Variants in CSPG4 observed in about 807,000 individuals in gnomAD.
CSPG4 encodes chondroitin sulfate proteoglycan 4 (melanoma-associated).
In CSPG4, 74 loss-of-function variants were observed where a neutral mutation model predicts 139.3. The ratio of observed to expected loss-of-function variants is 0.53; its 90% CI spans 0.44 to 0.64. The LOEUF is 0.64. CSPG4 is among the 30% of genes least tolerant of loss of function. The pLI, the probability that CSPG4 is intolerant of heterozygous loss-of-function variation, is 0.00. For synonymous variants in CSPG4, 1,234 were observed against 1,394.2 expected (o/e 0.89, Z 2.56); for missense variants, 2,565 against 3,148.3 (o/e 0.81, Z 4.43).
Position 75,688,870 on chromosome 15 carries a change from TGGAAC to T in CSPG4, c.2190_2194del (p.Phe731ProfsTer15). On this transcript the variant is annotated frameshift_variant, in exon 3 of 10. Transcript: ENST00000308508. LOFTEE classifies it high-confidence loss of function. Reference sequence around the variant, plus strand: ...GCGGCCCTGCTCCACATCCCGCTGGTGGAACGCCTGTGTGGCCCACCACTCAGCAC... The same window carrying T: ...GCGGCCCTGCTCCACATCCCGCTGGTGCCTGTGTGGCCCACCACTCAGCAC... 2 of 1,612,382 alleles carry T rather than the reference TGGAAC, an allele frequency of 1.2e-6. No homozygotes were observed. The highest frequency in any genetic ancestry group is 1.7e-6 in the Non-Finnish European group (2 of 1,179,970).
intron 1 of CSPG4, among the ~76,000 whole-genome samples, chr15:75,708,661 C>T (rs375854912): frequency 1.3e-5 from 2 of 152,336 alleles, no homozygotes; most frequent in South Asian, 2.1e-4. Flanking sequence ...GAGAACACCA[C>T]GGCCTGTGTG....
chr15:75,681,564 T>G (rs966048332), intron 8 of CSPG4, among the ~76,000 whole-genome samples: 7 of 152,356 alleles, frequency 4.6e-5, no homozygotes, highest in African/African-American at 1.4e-4. Flanking sequence ...GCATCACATG[T>G]GCCGCCTGCC....
rs752355420 is a variant in CSPG4, at chr15:75,685,429, C to G, written c.4062G>C (p.Leu1354=). Residue 1354 remains leucine (L), a synonymous_variant, in exon 4 of 10, where the codon CTG becomes CTC. Coordinates refer to ENST00000308508, the MANE Select transcript of CSPG4 (RefSeq NM_001897.5). ...GCGCCTCTAGTGGGATGGCAGCGGGCAGCACCTCCAGCTCCACAAGGACGC... is the reference window on the plus strand; with the variant it reads ...GCGCCTCTAGTGGGATGGCAGCGGGGAGCACCTCCAGCTCCACAAGGACGC... The part of the protein sequence containing the change: ...LEGVLVELEV[L]PAAIPLEAQN... 2 of 1,612,264 alleles carry G rather than the reference C, an allele frequency of 1.2e-6. No individual in the cohort carries two copies. The highest frequency in any genetic ancestry group is 2.2e-5 in the South Asian group (2 of 90,990).
At position 75,677,742 on chromosome 15, in the gene CSPG4, C is replaced by G; in HGVS notation, c.5095G>C (p.Ala1699Pro). The G allele has an allele frequency of 3.1e-6, 5 of 1,608,468 alleles. No individual in the cohort carries two copies. Among genetic ancestry groups the G allele is most frequent in the Non-Finnish European group, 4.2e-6 (5 of 1,177,680 alleles). Residue 1699 changes from alanine (A) to proline (P), a missense_variant, in exon 9 of 10, where the codon GCC becomes CCC. This residue lies in a region of CSPG4 where 2,316 missense variants were observed against 2,818.2 expected (regional missense o/e 0.82). Coordinates refer to ENST00000308508, the MANE Select transcript of CSPG4 (RefSeq NM_001897.5). ...AGGTGGCTGGGGCGCTGGGGACAGG[C>G]AGCCTCAAAAGACACAGCCACAGCA... ...TLAVAVSFEA[A>P]CPQRPSHLWK...
chr15:75,682,774 G>T (rs371145581), intron 6 of CSPG4, 33 bp from the exon 7 acceptor site: 1 of 1,608,532 alleles, frequency 6.2e-7, no homozygotes. Flanking sequence ...CAGCTGGCCC[G>T]AGCCGGCTCC....
chr15:75,677,410 G>T, intron 9 of CSPG4, 26 bp from the exon 10 acceptor site: 1 of 1,408,980 alleles, frequency 7.1e-7, no homozygotes, highest in South Asian at 1.7e-5. Context: ...AGGCTATGAG[G>T]GTCCAGCCCA....
rs763138714 is a variant in CSPG4, at chr15:75,688,085, T to C, written c.2980A>G (p.Ser994Gly). ...TCCTCCCAGGCCATGTCACCACTGC[T>C]CTCGCCCTGGCGGGTAGCAACAAAT... is the stretch of plus-strand genomic sequence containing the variant. ...IPFVATRQGE[S>G]SGDMAWEEVR... The change falls in exon 3 of 10, where the codon AGC becomes GGC. Residue 994 changes from serine (S) to glycine (G), a missense_variant. This residue lies in a region of CSPG4 where 2,316 missense variants were observed against 2,818.2 expected (regional missense o/e 0.82). Coordinates refer to ENST00000308508, the MANE Select transcript of CSPG4 (RefSeq NM_001897.5). 9 of 1,612,664 alleles carry C rather than the reference T, an allele frequency of 5.6e-6. No homozygotes were observed. The highest frequency in any genetic ancestry group is 7.6e-6 in the Non-Finnish European group (9 of 1,179,874).
chr15:75,676,865 C>T lies in CSPG4; in HGVS notation c.5654G>A (p.Gly1885Asp). The change falls in exon 10 of 10, where the codon GGT becomes GAT. Residue 1885 changes from glycine (G) to aspartate (D), a missense_variant. Around this residue, in one of 5 missense-constraint regions of CSPG4, gnomAD observed 2,316 missense variants for 2,818.2 expected, o/e 0.82. Transcript: ENST00000308508. ...APHNGFLSLV[G>D]GGLGPVTRFT... ...GCGGGTCACGGGCCCCAGGCCACCA[C>T]CCACCAGGCTGAGGAAGCCGTTGTG... is the stretch of plus-strand genomic sequence containing the variant. The T allele has an allele frequency of 6.3e-7, 1 of 1,588,214 alleles. No homozygotes were observed. Among genetic ancestry groups the T allele is most frequent in the Non-Finnish European group, 8.6e-7 (1 of 1,167,206 alleles).
intron 1 of CSPG4, among the ~76,000 whole-genome samples, chr15:75,697,117 C>A (rs1043075942): frequency 6.6e-6 from 1 of 152,026 alleles, no homozygotes; most frequent in Non-Finnish European, 1.5e-5. Context: ...GGCACAGATG[C>A]CTCTTCCAGG....
intron 1 of CSPG4, among the ~76,000 whole-genome samples, chr15:75,704,884 G>A (rs1894349457): frequency 6.6e-6 from 1 of 152,204 alleles, no homozygotes; most frequent in South Asian, 2.1e-4. Context: ...TGGTGACTCT[G>A]GCAGGTGAGC....
intron 1 of CSPG4, among the ~76,000 whole-genome samples, chr15:75,699,171 T>C (rs1894269413): frequency 6.6e-6 from 1 of 152,226 alleles, no homozygotes; most frequent in Non-Finnish European, 1.5e-5. Flanking sequence ...GCAGCCATCA[T>C]CTCAGGAGAC....
Position 75,677,700 on chromosome 15 carries a change from C to T in CSPG4, c.5134+3G>A, listed in dbSNP as rs1229176389. On this transcript the variant is annotated splice_donor_region_variant and intron_variant, in intron 9 of 9. Coordinates refer to ENST00000308508, the MANE Select transcript of CSPG4 (RefSeq NM_001897.5). The stretch of plus-strand genomic sequence containing the variant: ...AATCTTGCCAGCTTATCATGCTGTT[C>T]ACCTTTGTTCTTCCAGAGGTGGCTG... 10 of 1,594,972 alleles carry T rather than the reference C, an allele frequency of 6.3e-6. No homozygotes were observed. The African/African-American group carries it at 1.1e-4, about 17-fold the overall frequency.
chr15:75,701,861 G>A (rs1281216282), intron 1 of CSPG4, among the ~76,000 whole-genome samples: 1 of 152,136 alleles, frequency 6.6e-6, no homozygotes, highest in Non-Finnish European at 1.5e-5. Flanking sequence ...TCCACCTGTT[G>A]CTGAGTAGAC....
At chr15:75,691,443 C>T (rs1287417198) in intron 2 of CSPG4, among the ~76,000 whole-genome samples, 4 of 152,164 alleles carry the variant, frequency 2.6e-5, no homozygotes, top group Non-Finnish European at 5.9e-5. Context: ...TAAATTCTTC[C>T]CCTCTTTCCT....
At position 75,687,685 on chromosome 15, in the gene CSPG4, A is replaced by C. The variant is rs1195827429; in HGVS notation, c.3380T>G (p.Leu1127Arg). 4 of 1,612,688 alleles carry C rather than the reference A, an allele frequency of 2.5e-6. No individual in the cohort carries two copies. Among genetic ancestry groups the C allele is most frequent in the Non-Finnish European group, 3.4e-6 (4 of 1,179,966 alleles). ...LLEVQASEPY[L>R]RVANGSSLVV... ...AAGGCTGGAGCCGTTGGCCACACGG[A>C]GGTAGGGTTCCGAGGCCTGCACCTC... The change falls in exon 3 of 10, where the codon CTC (leucine) becomes CGC (arginine). Residue 1127 changes from leucine (L) to arginine (R), a missense_variant. By Grantham distance (102) the Leu-to-Arg change is moderately radical. Coordinates refer to ENST00000308508, the MANE Select transcript of CSPG4 (RefSeq NM_001897.5). The surrounding 1 kb of genome is among the most constrained non-coding windows in gnomAD (Gnocchi z 5.4).
At position 75,682,900 on chromosome 15, in the gene CSPG4, C is replaced by T. The variant is rs759879058; in HGVS notation, c.4591G>A (p.Val1531Met). Residue 1531 changes from valine (V) to methionine (M), a missense_variant, in exon 6 of 10, where the codon GTG becomes ATG. Coordinates refer to ENST00000308508, the MANE Select transcript of CSPG4 (RefSeq NM_001897.5). ...VVLRGAPGTE[V>M]RSFTQAQLDG... Reference sequence around the variant, plus strand: ...AGCTGGGCCTGCGTGAAGCTGCGCACCTCAGTGCCCGGCGCCCCCCGCAGC... The same window carrying T: ...AGCTGGGCCTGCGTGAAGCTGCGCATCTCAGTGCCCGGCGCCCCCCGCAGC... 65 of 1,610,658 alleles carry T rather than the reference C, an allele frequency of 4.0e-5. No individual in the cohort carries two copies. The highest frequency in any genetic ancestry group is 5.3e-5 in the Non-Finnish European group (63 of 1,179,634).
chr15:75,702,236 C>T (rs183260511), intron 1 of CSPG4, among the ~76,000 whole-genome samples: 2 of 152,350 alleles, frequency 1.3e-5, no homozygotes, highest in East Asian at 3.9e-4. Flanking sequence ...TCCACGCCTC[C>T]GTCTCACTAG....
Position 75,693,571 on chromosome 15 carries a change from C to T in CSPG4, c.89-338G>A, listed in dbSNP as rs923210215. ...CCTCCCCTGGGCCCCAGAGGAGTCT[C>T]CCTCGTGGGTCTGGCTCCTGGACCC... is the stretch of plus-strand genomic sequence containing the variant. On this transcript the variant is annotated intron_variant, in intron 1 of 9. Coordinates refer to ENST00000308508, the MANE Select transcript of CSPG4 (RefSeq NM_001897.5). Among the ~76,000 whole-genome samples, 4 of 152,368 alleles carry T rather than the reference C, an allele frequency of 2.6e-5. No individual in the cohort carries two copies. In the East Asian group the frequency reaches 7.7e-4, roughly 29 times the overall value.
intron 9 of CSPG4, 99 bp downstream of exon 9, chr15:75,677,604 G>A: frequency 2.2e-6 from 3 of 1,377,496 alleles, no homozygotes; most frequent in Non-Finnish European, 3.0e-6. Context: ...GGTCCTGGGG[G>A]CTGAGACAGG....
Sources: gnomAD v4.1 joint callset for allele counts (sites outside exome capture counted in the v4.1 genomes callset) on GRCh38, gnomAD v4.1.1 for gene constraint, gnomAD v4.1.1 regional missense constraint, Gnocchi (gnomAD v3.1) non-coding constraint, MANE v1.5 for transcripts, NCBI Gene and HGNC (gene_info 2026-07-23, HGNC 2026-07-21) for gene names.